Variants in ELAVL3 observed in about 807,000 individuals in gnomAD.
ELAVL3 encodes ELAV like RNA binding protein 3.
A neutral mutation model predicts 34.2 loss-of-function variants in ELAVL3; 8 were observed. The ratio of observed to expected loss-of-function variants is 0.23; its 90% CI spans 0.14 to 0.42. The LOEUF (loss-of-function observed/expected upper bound fraction) is 0.42. Ranked by LOEUF, ELAVL3 falls within the 10% of genes least tolerant of loss-of-function variation. The pLI, the probability that ELAVL3 is intolerant of heterozygous loss-of-function variation, is 1.00. For synonymous variants in ELAVL3, 209 were observed against 222.1 expected, an observed-to-expected ratio of 0.94 and a Z score of 0.53; for missense variants, 273 against 518.8, an observed-to-expected ratio of 0.53 and a Z score of 4.60.
In ELAVL3 at chr19:11,454,529, C is replaced by G; in HGVS notation, c.1101G>C (p.Ala367=). The part of the protein sequence containing the change: ...VSFKTSKQHK[A] ...TGGGAGGGCAGGCGGGGTGGGCTCACGCCTTGTGCTGTTTGCTGGTCTTGA... is the reference window on the plus strand; with the variant it reads ...TGGGAGGGCAGGCGGGGTGGGCTCAGGCCTTGTGCTGTTTGCTGGTCTTGA... Residue 367 remains alanine, a synonymous_variant, in exon 7 of 7, where the codon GCG becomes GCC. Coordinates refer to ENST00000359227, the MANE Select transcript of ELAVL3 (RefSeq NM_001420.4). This position sits in a 1 kb window ranked among gnomAD's most constrained non-coding sequence, Gnocchi z 9.2. The G allele has an allele frequency of 1.2e-6, 2 of 1,601,306 alleles. No homozygotes were observed. The highest frequency in any genetic ancestry group is 1.7e-6 in the Non-Finnish European group (2 of 1,173,340).
At chr19:11,457,940 C>T (rs2144880162) in intron 5 of ELAVL3, 121 bp downstream of exon 5, 2 of 1,045,562 alleles carry the variant, frequency 1.9e-6, no homozygotes, top group East Asian at 5.1e-5. Flanking sequence ...CAGATAGGCT[C>T]CTTGGCTCCC....
rs565909142 is a variant in ELAVL3 at position 11,476,541 on chromosome 19, C to T, written c.9+4059G>A. On this transcript the variant is annotated intron_variant, in intron 1 of 6. Coordinates refer to ENST00000359227, the MANE Select transcript of ELAVL3 (RefSeq NM_001420.4). ...CCTAGGCGAGAGGGTGAGACCCTGA[C>T]TCTTAAGGGAAAAAAAAAAAAATGA... is the stretch of plus-strand genomic sequence containing the variant. Among the ~76,000 whole-genome samples, 8 of 145,556 alleles carry T rather than the reference C, an allele frequency of 5.5e-5. No homozygotes were observed. The East Asian group carries it at 1.6e-3, about 29-fold the overall frequency.
Position 11,480,048 on chromosome 19 carries a change from C to G in ELAVL3, c.9+552G>C, listed in dbSNP as rs1209182167. Among the ~76,000 whole-genome samples, 1 of 151,626 alleles carries G rather than the reference C, an allele frequency of 6.6e-6. No homozygotes were observed. The highest frequency in any genetic ancestry group is 1.5e-5 in the Non-Finnish European group (1 of 67,824). ...GACGCGGCAGCAGCGGCGGCGGGCC[C>G]GCGGGGCCTCCGGGCGCGCCCCCTC... On this transcript the variant is annotated intron_variant, in intron 1 of 6. Transcript: ENST00000359227. The surrounding 1 kb of genome is among the most constrained non-coding windows in gnomAD (Gnocchi z 6.8).
intron 1 of ELAVL3, among the ~76,000 whole-genome samples, chr19:11,473,615 A>G (rs939218773): frequency 1.3e-5 from 2 of 152,228 alleles, no homozygotes; most frequent in Non-Finnish European, 2.9e-5. Context: ...CTTATTCACA[A>G]CAATCCTAAA....
intron 3 of ELAVL3, among the ~76,000 whole-genome samples, chr19:11,462,621 G>A (rs1970911908): frequency 6.7e-6 from 1 of 150,298 alleles, no homozygotes. Context: ...GGGTAACAGA[G>A]CAAGATTCCA....
At chr19:11,468,820 A>G (rs1263393562) in intron 1 of ELAVL3, among the ~76,000 whole-genome samples, 2 of 152,184 alleles carry the variant, frequency 1.3e-5, no homozygotes, top group Non-Finnish European at 2.9e-5. Context: ...TTATCGGGTT[A>G]AGAACATTTT....
chr19:11,454,984 G>T lies in ELAVL3; in HGVS notation c.753-107C>A. Reference sequence around the variant, plus strand: ...CCTGACTGTGCCATGACCTTGGAATGGTGTGACCCCTGCAATGCAATTTTT... The same window carrying T: ...CCTGACTGTGCCATGACCTTGGAATTGTGTGACCCCTGCAATGCAATTTTT... On this transcript the variant is annotated intron_variant, in intron 6 of 6. Transcript: ENST00000359227. The surrounding 1 kb of genome is among the most constrained non-coding windows in gnomAD (Gnocchi z 9.2). 1 of 1,289,568 alleles carries T rather than the reference G, an allele frequency of 7.8e-7. No homozygotes were observed. The allele number at this position is 1,289,568 out of a possible 1,614,324, so 79.9% of individuals were successfully genotyped here.
At chr19:11,455,786 T>C (rs1970756316) in intron 6 of ELAVL3, among the ~76,000 whole-genome samples, 1 of 152,022 alleles carries the variant, frequency 6.6e-6, no homozygotes, top group Non-Finnish European at 1.5e-5. Context: ...CCTGCAAGAG[T>C]TTGTTCCAGC....
rs1970629371 is a variant in ELAVL3, at chr19:11,451,494, C to CTTTTTTTTTTTCT, written c.*3031_*3032insAGAAAAAAAAAAA. The CTTTTTTTTTTTCT allele has an allele frequency of 1.5e-5, 1 of 65,532 alleles. No individual in the cohort carries two copies. The highest frequency in any genetic ancestry group is 5.8e-5 in the African/African-American group (1 of 17,220). 4.1% of individuals were successfully genotyped at this position (65,532 alleles called of 1,614,324 possible). On this transcript the variant is annotated 3_prime_UTR_variant, in exon 7 of 7. Coordinates refer to ENST00000359227, the MANE Select transcript of ELAVL3 (RefSeq NM_001420.4). ...TTTTTTTTTTTGTCTTTTGTTTTGT[C>CTTTTTTTTTTTCT]TTTTTTTTTTTTTTTTTTTTTACAG...
At position 11,468,130 on chromosome 19, in the gene ELAVL3, A is replaced by G. The variant is rs1206485394; in HGVS notation, c.10-1303T>C. On this transcript the variant is annotated intron_variant, in intron 1 of 6. Transcript: ENST00000359227. ...AAGCCTCATAAGCCCTTCCCTAAAC[A>G]TATTTATTTGCCTCCTCCCACCAAA... Among the ~76,000 whole-genome samples the G allele has an allele frequency of 2.0e-5, 3 of 152,006 alleles. No individual in the cohort carries two copies. In the East Asian group the frequency reaches 5.8e-4, roughly 29 times the overall value.
At chr19:11,457,731 A>G (rs543134599) in intron 5 of ELAVL3, among the ~76,000 whole-genome samples, 38 of 152,350 alleles carry the variant, frequency 2.5e-4, no homozygotes, top group African/African-American at 8.9e-4. Context: ...AGCACACAGC[A>G]AAGACTCATG....
chr19:11,461,858 T>TGAGTTGG (rs1402991000), intron 3 of ELAVL3, among the ~76,000 whole-genome samples: 1 of 152,150 alleles, frequency 6.6e-6, no homozygotes, highest in Non-Finnish European at 1.5e-5. Context: ...CAGTGAGTTG[T>TGAGTTGG]GAGAGTGTAT....
In ELAVL3 at chr19:11,452,511, T is replaced by G. The variant is rs1413081415; in HGVS notation, c.*2015A>C. The G allele has an allele frequency of 6.6e-6, 1 of 151,352 alleles. No individual in the cohort carries two copies. The highest frequency in any genetic ancestry group is 1.5e-5 in the Non-Finnish European group (1 of 67,948). 9.4% of individuals were successfully genotyped at this position (151,352 alleles called of 1,614,324 possible). A position where few individuals can be genotyped will look rare whatever the true frequency, so the allele number is the denominator to read the frequency against. On this transcript the variant is annotated 3_prime_UTR_variant, in exon 7 of 7. Transcript: ENST00000359227. ...TCCTTTTTTTTTTTTAAATCTCTTC[T>G]GTGTGTTTTCTTTTTTTGTTGCTTT...
chr19:11,472,975 G>C (rs1256125504), intron 1 of ELAVL3, among the ~76,000 whole-genome samples: 2 of 152,036 alleles, frequency 1.3e-5, no homozygotes, highest in Non-Finnish European at 2.9e-5. Flanking sequence ...GCTGAGGCAG[G>C]AGAATCACTT....
At chr19:11,476,562 A>G (rs1267591320) in intron 1 of ELAVL3, among the ~76,000 whole-genome samples, 1 of 151,966 alleles carries the variant, frequency 6.6e-6, no homozygotes, top group African/African-American at 2.4e-5. Flanking sequence ...AAAAAAAAAA[A>G]ATGAAGGAAT....
chr19:11,480,677 G>T lies in ELAVL3; in HGVS notation c.-69C>A. 1 of 1,327,256 alleles carries T rather than the reference G, an allele frequency of 7.5e-7. No homozygotes were observed. Among genetic ancestry groups the T allele is most frequent in the Non-Finnish European group, 9.8e-7 (1 of 1,019,776 alleles). The allele number at this position is 1,327,256 out of a possible 1,614,324, so 82.2% of individuals were successfully genotyped here. On this transcript the variant is annotated 5_prime_UTR_variant, in exon 1 of 7. Coordinates refer to ENST00000359227, the MANE Select transcript of ELAVL3 (RefSeq NM_001420.4). The surrounding 1 kb of genome is among the most constrained non-coding windows in gnomAD (Gnocchi z 6.8). ...GGGGGTGGTGCACTCCTAGGGGGGC[G>T]CCCGATGCTCACGCTGGGGTCCCGC...
Position 11,454,387 on chromosome 19 carries a change from C to T in ELAVL3, c.*139G>A, listed in dbSNP as rs1372421080. The T allele has an allele frequency of 1.0e-5, 9 of 857,652 alleles. No individual in the cohort carries two copies. Among genetic ancestry groups the T allele is most frequent in the South Asian group, 7.2e-5 (4 of 55,404 alleles). The allele number at this position is 857,652 out of a possible 1,614,324, so 53.1% of individuals were successfully genotyped here. On this transcript the variant is annotated 3_prime_UTR_variant, in exon 7 of 7. Transcript: ENST00000359227. This position sits in a 1 kb window ranked among gnomAD's most constrained non-coding sequence, Gnocchi z 9.2. ...CCCAGAGTGCTCACCCTGTGGCTTCCGCAGGGACGTGGGGCCCTCGCGTCG... is the reference window on the plus strand; with the variant it reads ...CCCAGAGTGCTCACCCTGTGGCTTCTGCAGGGACGTGGGGCCCTCGCGTCG...
chr19:11,455,148 G>T (rs1449123405), intron 6 of ELAVL3, among the ~76,000 whole-genome samples: 1 of 151,874 alleles, frequency 6.6e-6, no homozygotes, highest in African/African-American at 2.4e-5. Flanking sequence ...GTAGGCAGGC[G>T]CCCTCACACC....
At chr19:11,467,833 A>G (rs1303535897) in intron 1 of ELAVL3, among the ~76,000 whole-genome samples, 2 of 151,978 alleles carry the variant, frequency 1.3e-5, no homozygotes, top group African/African-American at 4.8e-5. Context: ...TCTGTCACCC[A>G]GGCTGGAGTG....
Sources: gnomAD v4.1 joint callset for allele counts (sites outside exome capture counted in the v4.1 genomes callset) on GRCh38, gnomAD v4.1.1 for gene constraint, Gnocchi (gnomAD v3.1) non-coding constraint, MANE v1.5 for transcripts, NCBI Gene and HGNC (gene_info 2026-07-23, HGNC 2026-07-21) for gene names.